NGEF: variants seen among roughly 807,000 people sequenced by gnomAD.
NGEF encodes neuronal guanine nucleotide exchange factor.
A neutral mutation model predicts 80.9 loss-of-function variants in NGEF; 31 were observed. The observed-to-expected ratio is 0.38, with a 90% confidence interval of 0.29 to 0.52. The LOEUF is 0.52. Among genes scored for constraint, NGEF ranks in the 20% least tolerant of loss-of-function variants. NGEF has a pLI of 0.84. For synonymous variants in NGEF, 371 were observed against 370.2 expected, an observed-to-expected ratio of 1.00 and a Z score of -0.03; for missense variants, 709 against 926.2, an observed-to-expected ratio of 0.77 and a Z score of 3.04.
intron 3 of NGEF, among the ~76,000 whole-genome samples, chr2:232,953,902 C>T (rs1181571769): frequency 6.6e-6 from 1 of 152,148 alleles, no homozygotes; most frequent in Non-Finnish European, 1.5e-5. Context: ...GCACTCAGGA[C>T]AGTGGAGGTG....
At chr2:232,975,391 G>A (rs1694270248) in intron 1 of NGEF, among the ~76,000 whole-genome samples, 1 of 152,186 alleles carries the variant, frequency 6.6e-6, no homozygotes, top group African/African-American at 2.4e-5. Flanking sequence ...ACAATGGTAA[G>A]TTTAGACATG....
chr2:232,910,037 C>A (rs1692659148), intron 5 of NGEF, among the ~76,000 whole-genome samples: 1 of 152,110 alleles, frequency 6.6e-6, no homozygotes, highest in South Asian at 2.1e-4. Context: ...TGTTTCCAGT[C>A]TTTGGTGATT....
intron 4 of NGEF, among the ~76,000 whole-genome samples, chr2:232,926,384 T>C (rs183533106): frequency 6.6e-6 from 1 of 152,042 alleles, no homozygotes; most frequent in East Asian, 1.9e-4. Flanking sequence ...GGGTCACTAT[T>C]TGAATCCATT....
At chr2:232,936,144 C>A (rs1277204320) in intron 3 of NGEF, among the ~76,000 whole-genome samples, 1 of 152,218 alleles carries the variant, frequency 6.6e-6, no homozygotes, top group African/African-American at 2.4e-5. Context: ...CCCAGAAACC[C>A]ATACTCTGTG....
intron 11 of NGEF, among the ~76,000 whole-genome samples, chr2:232,883,686 C>T (rs940442084): frequency 1.3e-5 from 2 of 152,182 alleles, no homozygotes; most frequent in East Asian, 3.9e-4. Context: ...CCAACCCTGA[C>T]GACCCTACCG....
At position 232,900,192 on chromosome 2, in the gene NGEF, G is replaced by A. The variant is rs1246028177; in HGVS notation, c.829-5276C>T. Reference sequence around the variant, plus strand: ...CACGTTCACTCACATTCACACACACGCTCTCACAGTCACTCATATACACGT... The same window carrying A: ...CACGTTCACTCACATTCACACACACACTCTCACAGTCACTCATATACACGT... On this transcript the variant is annotated intron_variant, in intron 5 of 14. Coordinates refer to ENST00000264051, the MANE Select transcript of NGEF (RefSeq NM_019850.3). Among the ~76,000 whole-genome samples the A allele has an allele frequency of 8.3e-3, 501 of 60,060 alleles. 4 individuals are homozygous for A. Among genetic ancestry groups the A allele is most frequent in the African/African-American group, 0.018 (229 of 12,556 alleles). The allele number at this position is 60,060 out of a possible 152,430, so 39.4% of individuals were successfully genotyped here. A position where few individuals can be genotyped will look rare whatever the true frequency, so the allele number is the denominator to read the frequency against.
intron 3 of NGEF, among the ~76,000 whole-genome samples, chr2:232,951,343 T>G (rs1032078767): frequency 8.5e-5 from 13 of 152,222 alleles, no homozygotes; most frequent in Non-Finnish European, 1.8e-4. Flanking sequence ...TGCCTTGAAC[T>G]CGGATCCAGC....
intron 3 of NGEF, among the ~76,000 whole-genome samples, chr2:232,937,343 C>G (rs780796966): frequency 9.8e-5 from 15 of 152,336 alleles, no homozygotes; most frequent in Admixed American, 4.6e-4. Flanking sequence ...GTCCCTCCCT[C>G]CATCTGTCCT....
At chr2:232,906,099 G>T (rs538929054) in intron 5 of NGEF, among the ~76,000 whole-genome samples, 3 of 99,788 alleles carry the variant, frequency 3.0e-5, no homozygotes, top group African/African-American at 1.0e-4. Context: ...CTGGTCAGCC[G>T]TCCCGTCTGG....
At chr2:232,921,301 C>T (rs1054857875) in intron 4 of NGEF, among the ~76,000 whole-genome samples, 2 of 152,074 alleles carry the variant, frequency 1.3e-5, no homozygotes, top group South Asian at 4.1e-4. Context: ...GTTGCCGTGG[C>T]TGGGTGGGAT....
At chr2:232,934,594 T>G (rs530110869) in intron 3 of NGEF, among the ~76,000 whole-genome samples, 1 of 152,234 alleles carries the variant, frequency 6.6e-6, no homozygotes, top group South Asian at 2.1e-4. Flanking sequence ...TTAGGCAGGC[T>G]GCTATTAAAA....
rs1488546886 is a variant in NGEF, at chr2:232,892,630, T to C, written c.1142+268A>G. ...AACTGCACAGTGCTCTGCTCAGCCA[T>C]TGGATCCAGGTCCAGTGGATGCTAC... On this transcript the variant is annotated intron_variant, in intron 7 of 14. Transcript: ENST00000264051. This position sits in a 1 kb window ranked among gnomAD's most constrained non-coding sequence, Gnocchi z 4.0. Among the ~76,000 whole-genome samples the C allele has an allele frequency of 6.6e-6, 1 of 152,152 alleles. No homozygotes were observed. Among genetic ancestry groups the C allele is most frequent in the African/African-American group, 2.4e-5 (1 of 41,424 alleles).
chr2:233,012,893 G>A (rs527454560), intron 1 of NGEF, 175 bp downstream of exon 1: 22 of 471,176 alleles, frequency 4.7e-5, no homozygotes, highest in African/African-American at 4.2e-4. Flanking sequence ...CTGAAGCCGA[G>A]ACCAGACAGG....
chr2:232,906,760 G>A (rs1172871711), intron 5 of NGEF, among the ~76,000 whole-genome samples: 2 of 151,428 alleles, frequency 1.3e-5, no homozygotes, highest in Admixed American at 6.6e-5. Flanking sequence ...GTGGGGAAAA[G>A]ATTGAGAAAT....
intron 3 of NGEF, among the ~76,000 whole-genome samples, chr2:232,947,460 C>T (rs75389962): frequency 0.051 from 7,794 of 152,142 alleles, 287 homozygotes; most frequent in East Asian, 0.14. Context: ...GAGGGAGGGA[C>T]GTGATCAGAT....
In NGEF at chr2:232,879,453, T is replaced by C; in HGVS notation, c.*36A>G. 2.9e-6 allele frequency: 4 copies of C among 1,361,736 alleles called. No individual in the cohort carries two copies. Among genetic ancestry groups the C allele is most frequent in the East Asian group, 5.0e-5 (2 of 40,130 alleles). 84.4% of individuals were successfully genotyped at this position (1,361,736 alleles called of 1,614,324 possible). A position where few individuals can be genotyped will look rare whatever the true frequency, so the allele number is the denominator to read the frequency against. The stretch of plus-strand genomic sequence containing the variant: ...CCCCCCACCTTCTGTCGGGGTCTCA[T>C]GCAGGCCCTGCTCCCGCTGGCCCCC... On this transcript the variant is annotated 3_prime_UTR_variant, in exon 15 of 15. Transcript: ENST00000264051.
chr2:232,963,824 CAAGT>C (rs1382252687), intron 3 of NGEF, among the ~76,000 whole-genome samples: 2 of 151,834 alleles, frequency 1.3e-5, no homozygotes, highest in Non-Finnish European at 2.9e-5. Flanking sequence ...AAAAAAAAGA[CAAGT>C]AAGTCACAGG....
At chr2:232,908,865 CT>C (rs1282885314) in intron 5 of NGEF, among the ~76,000 whole-genome samples, 1 of 151,948 alleles carries the variant, frequency 6.6e-6, no homozygotes, top group African/African-American at 2.4e-5. Flanking sequence ...TGACAGCTTT[CT>C]AATTGACTGA....
chr2:232,886,318 CTGTG>C (rs1160800757), intron 9 of NGEF, among the ~76,000 whole-genome samples: 2 of 149,312 alleles, frequency 1.3e-5, no homozygotes, highest in Non-Finnish European at 3.0e-5. Context: ...GTGGTATGTG[CTGTG>C]TGTGTGTGCA....
Sources: allele counts gnomAD v4.1 joint callset (sites outside exome capture counted in the v4.1 genomes callset), GRCh38; gene constraint gnomAD v4.1.1; non-coding constraint Gnocchi (gnomAD v3.1); transcripts MANE v1.5; gene names NCBI Gene and HGNC (gene_info 2026-07-23, HGNC 2026-07-21).